The following PLEKHA1 variants were observed in gnomAD, a reference collection of about 807,000 sequenced individuals.
PLEKHA1 encodes pleckstrin homology domain-containing family A member 1.
PLEKHA1 carries 34 observed loss-of-function variants against 52.0 expected under a neutral mutation model. The observed-to-expected ratio is 0.65, with a 90% CI of 0.50 to 0.87. PLEKHA1 has a LOEUF of 0.87. Among genes scored for constraint, PLEKHA1 ranks in the 40% least tolerant of loss-of-function variants. The pLI, the probability that PLEKHA1 is intolerant of heterozygous loss-of-function variation, is 0.00. For synonymous variants in PLEKHA1, 163 were observed against 170.7 expected (o/e 0.95, Z 0.35); for missense variants, 497 against 504.2 (o/e 0.99, Z 0.14).
chr10:122,398,898 T>C (rs2096888266), intron 3 of PLEKHA1, among the ~76,000 whole-genome samples: 1 of 152,142 alleles, frequency 6.6e-6, no homozygotes, highest in African/African-American at 2.4e-5. Context: ...ACAATAAAGA[T>C]TACACATTTA....
At position 122,430,106 on chromosome 10, in the gene PLEKHA1, C is replaced by A; in HGVS notation, c.*168C>A. 1 of 688,386 alleles carries A rather than the reference C, an allele frequency of 1.5e-6. No homozygotes were observed. The allele number at this position is 688,386 out of a possible 1,614,324, so 42.6% of individuals were successfully genotyped here. The stretch of plus-strand genomic sequence containing the variant: ...ACCAAGAATCTAGGGAGTGGCCAAA[C>A]TAAATATAATTTCTTTAAAAAAGAA... On this transcript the variant is annotated 3_prime_UTR_variant, in exon 12 of 12. Transcript: ENST00000368990.
At chr10:122,418,059 G>GC in intron 8 of PLEKHA1, 91 bp downstream of exon 8, 2 of 959,408 alleles carry the variant, frequency 2.1e-6, no homozygotes, top group South Asian at 1.8e-5. Flanking sequence ...CTGTTCTGTA[G>GC]TTTCAGAATA....
At chr10:122,388,727 A>G (rs1248243658) in intron 1 of PLEKHA1, among the ~76,000 whole-genome samples, 2 of 152,194 alleles carry the variant, frequency 1.3e-5, no homozygotes, top group Admixed American at 1.3e-4. Context: ...AGCCTCTTCA[A>G]ATGAGTTGTA....
Position 122,413,043 on chromosome 10 carries a change from C to A in PLEKHA1, c.466C>A (p.Gln156Lys). The A allele has an allele frequency of 6.2e-7, 1 of 1,611,476 alleles. No individual in the cohort carries two copies. The highest frequency in any genetic ancestry group is 8.5e-7 in the Non-Finnish European group (1 of 1,178,342). ...VGGVPIITPT[Q>K]KEEVNECGES... Reference sequence around the variant, plus strand: ...TGGCGTACCCATCATTACTCCCACTCAGGTAATTAAGTAACTCTTCTATTG... The same window carrying A: ...TGGCGTACCCATCATTACTCCCACTAAGGTAATTAAGTAACTCTTCTATTG... The change falls in exon 6 of 12, where the codon CAG (glutamine) becomes AAG (lysine). Residue 156 changes from glutamine (Q) to lysine (K), a missense_variant and splice_region_variant. By Grantham distance (53) the Gln-to-Lys change is moderately conservative. Coordinates refer to ENST00000368990, the MANE Select transcript of PLEKHA1 (RefSeq NM_001001974.4).
intron 8 of PLEKHA1, chr10:122,422,963 A>C (rs2097281308): frequency 6.6e-6 from 1 of 152,220 alleles, no homozygotes; most frequent in African/African-American, 2.4e-5. Flanking sequence ...ACAGATAATG[A>C]TAAAGCAAAT....
chr10:122,400,321 C>A, intron 3 of PLEKHA1, 22 bp from the exon 4 acceptor site: 5 of 1,587,800 alleles, frequency 3.1e-6, no homozygotes, highest in South Asian at 1.2e-5. Flanking sequence ...AGTGAGGAAC[C>A]CGTCTCTATT....
intron 6 of PLEKHA1, 136 bp downstream of exon 6, chr10:122,413,181 A>G (rs2097130007): frequency 1.3e-6 from 1 of 791,576 alleles, no homozygotes. Flanking sequence ...GTTTATTTCA[A>G]AAGTATTTAT....
intron 10 of PLEKHA1, 108 bp from the exon 11 acceptor site, chr10:122,426,834 T>A: frequency 1.0e-6 from 1 of 1,003,000 alleles, no homozygotes; most frequent in Non-Finnish European, 1.4e-6. Flanking sequence ...TGCCTTAGAG[T>A]GATTTTGTTG....
Position 122,430,175 on chromosome 10 carries a change from A to G in PLEKHA1, c.*237A>G. ...AAATATCTCAGTATCATCTGTCTGAAGCATTGTGTGTTCTCATTCGGGTGG... is the reference window on the plus strand; with the variant it reads ...AAATATCTCAGTATCATCTGTCTGAGGCATTGTGTGTTCTCATTCGGGTGG... On this transcript the variant is annotated 3_prime_UTR_variant, in exon 12 of 12. Coordinates refer to ENST00000368990, the MANE Select transcript of PLEKHA1 (RefSeq NM_001001974.4). 1 of 429,270 alleles carries G rather than the reference A, an allele frequency of 2.3e-6. No homozygotes were observed. The highest frequency in any genetic ancestry group is 3.8e-5 in the East Asian group (1 of 26,438). 26.6% of individuals were successfully genotyped at this position (429,270 alleles called of 1,614,324 possible).
chr10:122,422,863 A>T (rs975765909), intron 8 of PLEKHA1: 1 of 152,220 alleles, frequency 6.6e-6, no homozygotes, highest in Admixed American at 6.5e-5. Flanking sequence ...AGCGTTTAGT[A>T]AAGGTACATC....
At chr10:122,441,899 G>A in the PLEKHA1 span, 4 of 152,266 alleles carry the variant, frequency 2.6e-5, no homozygotes, top group South Asian at 4.1e-4. Context: ...CTAGAGAACC[G>A]TCCAGGTATT....
At chr10:122,441,118 G>T in the PLEKHA1 span, 2 of 152,106 alleles carry the variant, frequency 1.3e-5, no homozygotes. Context: ...CAGATTTTCT[G>T]GGATTAGGGC....
chr10:122,428,651 TA>T (rs146648937), intron 11 of PLEKHA1, among the ~76,000 whole-genome samples: 2,073 of 152,294 alleles, frequency 0.014, 37 homozygotes, highest in African/African-American at 0.047. Context: ...ATACAATACT[TA>T]CGAAATGCAC....
intron 8 of PLEKHA1, chr10:122,423,049 T>C (rs1003317746): frequency 6.6e-6 from 1 of 152,106 alleles, no homozygotes; most frequent in African/African-American, 2.4e-5. Context: ...CAGTCTCTTA[T>C]TAAGTGTGAA....
intron 3 of PLEKHA1, 103 bp from the exon 4 acceptor site, chr10:122,400,240 A>G (rs1165722718): frequency 5.9e-6 from 5 of 850,510 alleles, no homozygotes; most frequent in Non-Finnish European, 7.0e-6. Flanking sequence ...CTAAATGTGT[A>G]TGATTATTGG....
intron 7 of PLEKHA1, among the ~76,000 whole-genome samples, chr10:122,416,436 CTACT>C (rs1303838839): frequency 6.6e-6 from 1 of 152,188 alleles, no homozygotes; most frequent in African/African-American, 2.4e-5. Flanking sequence ...TGACCTTGGG[CTACT>C]TACTTAACCT....
chr10:122,411,817 T>A lies in PLEKHA1; in HGVS notation c.343-1103T>A, dbSNP rs548612053. Reference sequence around the variant, plus strand: ...GTACTCTATTAACAGGAATTAGCTATATGACAAGCAAACTATTTAAGTTAA... The same window carrying A: ...GTACTCTATTAACAGGAATTAGCTAAATGACAAGCAAACTATTTAAGTTAA... On this transcript the variant is annotated intron_variant, in intron 5 of 11. Transcript: ENST00000368990. 2.6e-5 allele frequency: 4 copies of A among 152,340 alleles called. No homozygotes were observed. In the East Asian group the frequency reaches 5.8e-4, roughly 22 times the overall value. The allele number at this position is 152,340 out of a possible 1,614,324, so 9.4% of individuals were successfully genotyped here.
At chr10:122,411,173 TTC>T (rs2132994762) in intron 5 of PLEKHA1, among the ~76,000 whole-genome samples, 1 of 152,314 alleles carries the variant, frequency 6.6e-6, no homozygotes, top group African/African-American at 2.4e-5. Context: ...CTTTCCTGTT[TTC>T]TCTCTCTTTT....
intron 4 of PLEKHA1, among the ~76,000 whole-genome samples, chr10:122,402,031 G>A (rs1201618024): frequency 2.0e-5 from 3 of 152,096 alleles, no homozygotes; most frequent in Non-Finnish European, 4.4e-5. Context: ...TTTTGGTTAC[G>A]AAACAGGAAA....
Sources: allele counts gnomAD v4.1 joint callset (sites outside exome capture counted in the v4.1 genomes callset), GRCh38; gene constraint gnomAD v4.1.1; transcripts MANE v1.5; gene names NCBI Gene and HGNC (gene_info 2026-07-23, HGNC 2026-07-21).